SPIDR: variants seen among roughly 807,000 people sequenced by gnomAD.
SPIDR encodes DNA repair-scaffolding protein.
Under a neutral mutation model 104.6 loss-of-function variants are expected in SPIDR, and 93 were observed. The observed-to-expected ratio is 0.89, with a 90% CI of 0.75 to 1.06. SPIDR has a LOEUF of 1.06. SPIDR is among the 50% of genes least tolerant of loss of function. The pLI is 0.00. For missense variants in SPIDR, 1,154 were observed against 1,111.2 expected, an observed-to-expected ratio of 1.04 and a Z score of -0.55; for synonymous variants, 431 against 416.9, an observed-to-expected ratio of 1.03 and a Z score of -0.41.
At chr8:47,440,676 G>C in intron 8 of SPIDR, 134 bp downstream of exon 8, 3 of 849,406 alleles carry the variant, frequency 3.5e-6, no homozygotes, top group Non-Finnish European at 5.3e-6. Context: ...ATTGGACGTG[G>C]GTTTTCTGTC....
intron 16 of SPIDR, among the ~76,000 whole-genome samples, chr8:47,722,911 T>C (rs1310713296): frequency 1.3e-5 from 2 of 152,098 alleles, no homozygotes; most frequent in Non-Finnish European, 2.9e-5. Flanking sequence ...TGATCATAGC[T>C]AACTGCAACC....
At chr8:47,306,678 A>G (rs987062088) in intron 5 of SPIDR, among the ~76,000 whole-genome samples, 2 of 152,124 alleles carry the variant, frequency 1.3e-5, no homozygotes, top group Non-Finnish European at 2.9e-5. Flanking sequence ...TCTATCCACT[A>G]TTGAAAGTAG....
At chr8:47,307,758 C>T (rs781786963) in intron 5 of SPIDR, among the ~76,000 whole-genome samples, 7 of 151,640 alleles carry the variant, frequency 4.6e-5, no homozygotes, top group Non-Finnish European at 7.4e-5. Context: ...AGGCTGGTCT[C>T]AAACTGCCAA....
At position 47,713,472 on chromosome 8, in the gene SPIDR, A is replaced by G. The variant is rs770954041; in HGVS notation, c.2189-17A>G. 26 of 1,614,018 alleles carry G rather than the reference A, an allele frequency of 1.6e-5. No homozygotes were observed. Among genetic ancestry groups the G allele is most frequent in the Non-Finnish European group, 1.9e-5 (23 of 1,179,924 alleles). ...TTTCTTCAAGGCTTCAATAACCTGA[A>G]GTGTCTCTGTCGGCAGGTCGGATTG... On this transcript the variant is annotated splice_polypyrimidine_tract_variant and intron_variant, in intron 15 of 19. Transcript: ENST00000297423.
At chr8:47,420,161 G>C (rs1213773377) in intron 7 of SPIDR, among the ~76,000 whole-genome samples, 2 of 152,126 alleles carry the variant, frequency 1.3e-5, no homozygotes, top group South Asian at 4.1e-4. Context: ...TTCAATTCCT[G>C]GGTATCCTTG....
At chr8:47,593,597 T>C (rs2061315047) in intron 8 of SPIDR, among the ~76,000 whole-genome samples, 1 of 152,246 alleles carries the variant, frequency 6.6e-6, no homozygotes, top group East Asian at 1.9e-4. Flanking sequence ...TGGAGTATTA[T>C]GTTTTGAGAC....
intron 5 of SPIDR, among the ~76,000 whole-genome samples, chr8:47,313,584 A>T (rs2044660450): frequency 6.6e-6 from 1 of 152,224 alleles, no homozygotes; most frequent in Non-Finnish European, 1.5e-5. Flanking sequence ...TATGGAACCA[A>T]AAAAGAGCCC....
intron 8 of SPIDR, among the ~76,000 whole-genome samples, chr8:47,479,356 C>CAA (rs1186481801): frequency 2.2e-5 from 2 of 92,090 alleles, no homozygotes; most frequent in Non-Finnish European, 4.5e-5. Flanking sequence ...GAGACTCTCT[C>CAA]AAAAAAAAAA....
At chr8:47,574,727 G>A (rs866222656) in intron 8 of SPIDR, among the ~76,000 whole-genome samples, 10 of 151,382 alleles carry the variant, frequency 6.6e-5, no homozygotes, top group South Asian at 4.2e-4. Flanking sequence ...CAGCCTGGGC[G>A]ACAGAGTAAG....
intron 8 of SPIDR, among the ~76,000 whole-genome samples, chr8:47,447,061 GTGGAGGAAATAAC>G (rs1425935252): frequency 6.6e-6 from 1 of 152,164 alleles, no homozygotes; most frequent in Admixed American, 6.5e-5. Flanking sequence ...TAAAACTTCA[GTGGAGGAAATAAC>G]TGCACATGCG....
chr8:47,726,143 T>A (rs2084202983), intron 16 of SPIDR, among the ~76,000 whole-genome samples: 1 of 152,236 alleles, frequency 6.6e-6, no homozygotes, highest in South Asian at 2.1e-4. Context: ...TGACTTTGCT[T>A]TTCATCCCTT....
Position 47,409,313 on chromosome 8 carries a change from G to A in SPIDR, c.877+1352G>A, listed in dbSNP as rs570133091. On this transcript the variant is annotated intron_variant, in intron 7 of 19. Coordinates refer to ENST00000297423, the MANE Select transcript of SPIDR (RefSeq NM_001080394.4). The stretch of plus-strand genomic sequence containing the variant: ...GGTCTCAGAAATTATTCCAACAAAT[G>A]AGTTTATTCCTCCAAGGTCTAATGA... Among the ~76,000 whole-genome samples, 418 of 151,846 alleles carry A rather than the reference G, an allele frequency of 2.8e-3. 1 individual carries two copies. The highest frequency in any genetic ancestry group is 9.9e-3 in the African/African-American group (408 of 41,390).
intron 8 of SPIDR, among the ~76,000 whole-genome samples, chr8:47,578,243 C>T (rs1002377836): frequency 2.0e-5 from 3 of 152,200 alleles, no homozygotes; most frequent in African/African-American, 2.4e-5. Flanking sequence ...GAGGCCGAGG[C>T]GGGCAGATCA....
chr8:47,437,184 G>A (rs182677450), intron 7 of SPIDR, among the ~76,000 whole-genome samples: 72 of 151,548 alleles, frequency 4.8e-4, no homozygotes, highest in African/African-American at 1.2e-3. Context: ...ATGCTGGTGC[G>A]CTGCACCCGC....
At chr8:47,501,105 A>C (rs1200144772) in intron 8 of SPIDR, among the ~76,000 whole-genome samples, 1 of 152,244 alleles carries the variant, frequency 6.6e-6, no homozygotes, top group Admixed American at 6.5e-5. Flanking sequence ...CTTTTGGCTT[A>C]GGATTGACTT....
Position 47,440,409 on chromosome 8 carries a change from G to A in SPIDR, c.964G>A (p.Gly322Arg). ...MQVAMCEQLL[G>R]SPATSSSQSV... is the part of the protein sequence containing the mutation. ...AGTTGCCATGTGTGAGCAGTTATTG[G>A]GGTCACCAGCCACCAGCTCCTCCCA... is the stretch of plus-strand genomic sequence containing the variant. Residue 322 changes from glycine to arginine, a missense_variant, in exon 8 of 20, where the codon GGG becomes AGG. Gly to Arg is a moderately radical substitution (Grantham distance 125). Transcript: ENST00000297423. The A allele has an allele frequency of 6.2e-7, 1 of 1,614,202 alleles. No individual in the cohort carries two copies. The highest frequency in any genetic ancestry group is 1.1e-5 in the South Asian group (1 of 91,084).
chr8:47,674,614 C>G (rs1640413054), intron 11 of SPIDR, among the ~76,000 whole-genome samples: 2 of 152,084 alleles, frequency 1.3e-5, no homozygotes, highest in Admixed American at 1.3e-4. Context: ...TATTTTAGCT[C>G]TCTTGTTGAT....
At chr8:47,448,952 C>G (rs1564002019) in intron 8 of SPIDR, among the ~76,000 whole-genome samples, 4 of 151,964 alleles carry the variant, frequency 2.6e-5, no homozygotes, top group Admixed American at 6.6e-5. Context: ...GGAGAACCTC[C>G]CTGTGTGCAG....
At chr8:47,596,147 T>TA (rs1253645379) in intron 9 of SPIDR, 141 bp downstream of exon 9, 1 of 670,848 alleles carries the variant, frequency 1.5e-6, no homozygotes, top group Non-Finnish European at 2.5e-6. Flanking sequence ...TGCATGAACT[T>TA]ACTGTTACGC....
Sources: allele counts gnomAD v4.1 joint callset (sites outside exome capture counted in the v4.1 genomes callset), GRCh38; gene constraint gnomAD v4.1.1; transcripts MANE v1.5; gene names NCBI Gene and HGNC (gene_info 2026-07-23, HGNC 2026-07-21).